PTPRN2: variants seen among roughly 807,000 people sequenced by gnomAD.
PTPRN2 encodes receptor-type tyrosine-protein phosphatase N2.
A neutral mutation model predicts 118.8 loss-of-function variants in PTPRN2; 74 were observed. The ratio of observed to expected loss-of-function variants is 0.62; its 90% CI spans 0.52 to 0.76. PTPRN2 has a LOEUF of 0.76. Ranked by LOEUF, PTPRN2 falls within the 30% of genes least tolerant of loss-of-function variation. The pLI is 0.00. For synonymous variants in PTPRN2, 641 were observed against 608.0 expected, an observed-to-expected ratio of 1.05 and a Z score of -0.80; for missense variants, 1,481 against 1,394.4, an observed-to-expected ratio of 1.06 and a Z score of -0.99.
chr7:158,083,548 A>G (rs1813008617), intron 10 of PTPRN2, among the ~76,000 whole-genome samples: 1 of 152,216 alleles, frequency 6.6e-6, no homozygotes, highest in South Asian at 2.1e-4. Context: ...CTCAGAGTCC[A>G]AAGACCCAGA....
chr7:157,793,551 T>C (rs1804661421), intron 12 of PTPRN2, among the ~76,000 whole-genome samples: 1 of 150,640 alleles, frequency 6.6e-6, no homozygotes. Flanking sequence ...TCTTCCGGGG[T>C]GGGATGGGTG....
chr7:157,782,072 T>G (rs1480874847), intron 12 of PTPRN2, among the ~76,000 whole-genome samples: 1 of 152,226 alleles, frequency 6.6e-6, no homozygotes, highest in Admixed American at 6.5e-5. Context: ...TCACTGTCCC[T>G]AGGGAATAGA....
At chr7:158,132,543 C>CA (rs1236919638) in intron 9 of PTPRN2, among the ~76,000 whole-genome samples, 1 of 136,540 alleles carries the variant, frequency 7.3e-6, no homozygotes, top group Non-Finnish European at 1.6e-5. Flanking sequence ...CATATACACA[C>CA]ACATGCATAC....
At chr7:158,388,259 C>T (rs1382077508) in intron 2 of PTPRN2, among the ~76,000 whole-genome samples, 2 of 152,142 alleles carry the variant, frequency 1.3e-5, no homozygotes, top group East Asian at 3.9e-4. Flanking sequence ...AGCCACGGTT[C>T]ACGTCAATCC....
At chr7:157,625,263 A>G (rs1803496173) in intron 14 of PTPRN2, among the ~76,000 whole-genome samples, 1 of 152,260 alleles carries the variant, frequency 6.6e-6, no homozygotes, top group Admixed American at 6.5e-5. Flanking sequence ...TCATTATACG[A>G]AAAATATACT....
chr7:158,482,590 G>A (rs1820724169), intron 2 of PTPRN2, among the ~76,000 whole-genome samples: 1 of 152,154 alleles, frequency 6.6e-6, no homozygotes, highest in Admixed American at 6.5e-5. Flanking sequence ...ACACTTAATA[G>A]ACCACAGCCT....
chr7:158,371,575 G>A (rs1419783945), intron 2 of PTPRN2, among the ~76,000 whole-genome samples: 2 of 152,206 alleles, frequency 1.3e-5, no homozygotes, highest in East Asian at 1.9e-4. Context: ...ACCTTGTGAC[G>A]CAACAAGCAC....
intron 2 of PTPRN2, among the ~76,000 whole-genome samples, chr7:158,396,429 TG>T (rs1236189999): frequency 6.6e-6 from 1 of 152,226 alleles, no homozygotes; most frequent in Non-Finnish European, 1.5e-5. Flanking sequence ...TGCACGTGTG[TG>T]TGCATGAATG....
intron 15 of PTPRN2, among the ~76,000 whole-genome samples, chr7:157,605,939 T>C (rs1391050964): frequency 6.6e-6 from 1 of 152,208 alleles, no homozygotes; most frequent in Non-Finnish European, 1.5e-5. Context: ...TGGTGCTTCA[T>C]GGAGGACCTG....
At chr7:157,857,778 G>A (rs1400513612) in intron 12 of PTPRN2, 1 of 152,290 alleles carries the variant, frequency 6.6e-6, no homozygotes, top group East Asian at 1.9e-4. Flanking sequence ...GCACCTCTTC[G>A]TGCAAGCGCC....
At chr7:158,071,385 G>GTGGTGGAGGTGCTCA (rs1811553426) in intron 11 of PTPRN2, among the ~76,000 whole-genome samples, 1 of 39,976 alleles carries the variant, frequency 2.5e-5, no homozygotes, top group Non-Finnish European at 4.8e-5. Flanking sequence ...GGAGGTGCTC[G>GTGGTGGAGGTGCTCA]TGGTGGAGGT....
intron 4 of PTPRN2, among the ~76,000 whole-genome samples, chr7:158,193,905 CAAAA>C (rs56234740): frequency 0.011 from 1,347 of 123,848 alleles, 35 homozygotes; most frequent in South Asian, 0.067. Flanking sequence ...GGCTCTGTCT[CAAAA>C]AAAAAAAAAA....
intron 11 of PTPRN2, among the ~76,000 whole-genome samples, chr7:158,078,055 A>C (rs1171250788): frequency 7.9e-5 from 12 of 152,272 alleles, no homozygotes; most frequent in African/African-American, 2.4e-4. Context: ...AATTCCCGGG[A>C]AAGCATTGCC....
intron 3 of PTPRN2, among the ~76,000 whole-genome samples, chr7:158,279,983 G>A (rs1021192098): frequency 9.2e-5 from 14 of 151,822 alleles, no homozygotes; most frequent in African/African-American, 1.9e-4. Flanking sequence ...CCAGAGCCCC[G>A]GACGGCCCCC....
In PTPRN2 at chr7:158,171,348, TAC is replaced by T. The variant is rs1252929315; in HGVS notation, c.550-4059_550-4058del. 4.2e-3 allele frequency among the ~76,000 whole-genome samples: 374 copies of T among 89,936 alleles called. 17 individuals carry two copies. The highest frequency in any genetic ancestry group is 5.6e-3 in the Admixed American group (44 of 7,814). 59.0% of individuals were successfully genotyped at this position (89,936 alleles called of 152,430 possible). On this transcript the variant is annotated intron_variant, in intron 5 of 22. Coordinates refer to ENST00000389418, the MANE Select transcript of PTPRN2 (RefSeq NM_002847.5). ...ATATATATATATATATATATATATA[TAC>T]ACACACACATTTTTTTAAGACATAG...
chr7:157,967,557 T>C (rs527615393), intron 11 of PTPRN2, among the ~76,000 whole-genome samples: 55 of 152,264 alleles, frequency 3.6e-4, no homozygotes, highest in African/African-American at 1.3e-3. Flanking sequence ...GGGTGAAATC[T>C]GACTGTGGGC....
rs115974484 is a variant in PTPRN2 at position 158,343,457 on chromosome 7, G to A, written c.164-26525C>T. 4.4e-3 allele frequency among the ~76,000 whole-genome samples: 675 copies of A among 152,286 alleles called. 8 individuals carry two copies. Among genetic ancestry groups the A allele is most frequent in the African/African-American group, 0.014 (586 of 41,558 alleles). ...GAGAAAATAGGGCCCTGTGCTCCGC[G>A]GGCAGGAACGTAACCTGATGCAGTC... On this transcript the variant is annotated intron_variant, in intron 2 of 22. Coordinates refer to ENST00000389418, the MANE Select transcript of PTPRN2 (RefSeq NM_002847.5).
At chr7:158,331,280 G>A (rs374209941) in intron 2 of PTPRN2, among the ~76,000 whole-genome samples, 9 of 135,034 alleles carry the variant, frequency 6.7e-5, no homozygotes, top group South Asian at 2.5e-4. Flanking sequence ...GCTGACACCC[G>A]CAGACGTCAC....
At chr7:158,358,553 C>T (rs1412228531) in intron 2 of PTPRN2, among the ~76,000 whole-genome samples, 2 of 152,232 alleles carry the variant, frequency 1.3e-5, no homozygotes, top group Non-Finnish European at 2.9e-5. Context: ...CAGAAACAAC[C>T]CAGGCGCCCA....
Sources: allele counts gnomAD v4.1 joint callset (sites outside exome capture counted in the v4.1 genomes callset), GRCh38; gene constraint gnomAD v4.1.1; transcripts MANE v1.5; gene names NCBI Gene and HGNC (gene_info 2026-07-23, HGNC 2026-07-21).